TMEM39A: variants seen among roughly 807,000 people sequenced by gnomAD.
TMEM39A encodes suppressor of SQST-1 aggregates in rpl-43 mutants.
TMEM39A carries 19 observed loss-of-function variants against 51.9 expected under a neutral mutation model. The ratio of observed to expected loss-of-function variants is 0.37; its 90% CI spans 0.26 to 0.54. The LOEUF (loss-of-function observed/expected upper bound fraction) is 0.54, where lower values mean the gene tolerates loss of function less well. Among genes scored for constraint, TMEM39A ranks in the 20% least tolerant of loss-of-function variants. TMEM39A has a pLI of 0.88. For missense variants in TMEM39A, 433 were observed against 590.5 expected, an observed-to-expected ratio of 0.73 and a Z score of 2.76; for synonymous variants, 197 against 220.2, an observed-to-expected ratio of 0.89 and a Z score of 0.93.
At chr3:119,448,720 G>A (rs2081160086) in intron 4 of TMEM39A, among the ~76,000 whole-genome samples, 1 of 152,146 alleles carries the variant, frequency 6.6e-6, no homozygotes, top group African/African-American at 2.4e-5. Context: ...GCTTAGTAAA[G>A]TTATTTAAGC....
chr3:119,451,265 T>C (rs1560017571), intron 4 of TMEM39A: 1 of 1,288,154 alleles, frequency 7.8e-7, no homozygotes. Flanking sequence ...TATTTCCAGT[T>C]ACTCTGCTTC....
chr3:119,459,953 G>A (rs764860928), intron 2 of TMEM39A, among the ~76,000 whole-genome samples: 22 of 150,816 alleles, frequency 1.5e-4, no homozygotes, highest in Admixed American at 5.9e-4. Context: ...TAAGCTATCC[G>A]CTAGTTCTTT....
intron 4 of TMEM39A, among the ~76,000 whole-genome samples, chr3:119,452,094 A>C (rs989037709): frequency 5.9e-5 from 9 of 152,184 alleles, no homozygotes; most frequent in African/African-American, 1.9e-4. Context: ...TATTATCTGG[A>C]ACTGAATGTT....
rs541654492 is a variant in TMEM39A, at chr3:119,447,029, G to A, written c.564C>T (p.Phe188=). 1 of 1,613,808 alleles carries A rather than the reference G, an allele frequency of 6.2e-7. No individual in the cohort carries two copies. Among genetic ancestry groups the A allele is most frequent in the South Asian group, 1.1e-5 (1 of 90,978 alleles). The change falls in exon 5 of 9, where the codon TTC becomes TTT. Residue 188 remains phenylalanine (F), a synonymous_variant. Coordinates refer to ENST00000319172, the MANE Select transcript of TMEM39A (RefSeq NM_018266.3). ...ACTGGAGTACTCACGGGTAGCCAAGGAAAAGGAGATTGAGGACTGAATGGC... is the reference window on the plus strand; with the variant it reads ...ACTGGAGTACTCACGGGTAGCCAAGAAAAAGGAGATTGAGGACTGAATGGC... ...FRSHSVLNLL[F]LGYPFGVYVP...
chr3:119,451,698 C>T (rs183281212), intron 4 of TMEM39A, among the ~76,000 whole-genome samples: 3 of 151,834 alleles, frequency 2.0e-5, no homozygotes, highest in South Asian at 4.2e-4. Context: ...GGCGTGGTGG[C>T]GCATGCCTGT....
chr3:119,447,943 G>A (rs1380859134), intron 4 of TMEM39A, among the ~76,000 whole-genome samples: 1 of 152,084 alleles, frequency 6.6e-6, no homozygotes, highest in Admixed American at 6.6e-5. Context: ...AACATGGAGA[G>A]ACACTAATTT....
chr3:119,444,002 G>A lies in TMEM39A; in HGVS notation c.575+3016C>T, dbSNP rs182926838. Among the ~76,000 whole-genome samples the A allele has an allele frequency of 1.3e-3, 200 of 152,180 alleles. 2 individuals carry two copies. Among genetic ancestry groups the A allele is most frequent in the African/African-American group, 4.6e-3 (192 of 41,542 alleles). On this transcript the variant is annotated intron_variant, in intron 5 of 8. Transcript: ENST00000319172. ...GGAAATCAAAAAATTGACATGACTC[G>A]TTTATTGTGATATTCGCTTTATTGC...
intron 4 of TMEM39A, among the ~76,000 whole-genome samples, chr3:119,449,536 G>C (rs1295289185): frequency 6.6e-6 from 1 of 151,932 alleles, no homozygotes; most frequent in Non-Finnish European, 1.5e-5. Flanking sequence ...CGAGGCAGGA[G>C]AATCGCTTGA....
chr3:119,462,726 C>T (rs1315272276), intron 1 of TMEM39A, among the ~76,000 whole-genome samples: 1 of 134,108 alleles, frequency 7.5e-6, no homozygotes, highest in Non-Finnish European at 1.5e-5. Flanking sequence ...GTTCTTTTAA[C>T]AGTTTAAAAG....
chr3:119,451,181 T>C lies in TMEM39A; in HGVS notation c.420+1266A>G, dbSNP rs545472784. On this transcript the variant is annotated intron_variant, in intron 4 of 8. Transcript: ENST00000319172. The stretch of plus-strand genomic sequence containing the variant: ...AGAAAAGATTATAAACAGACGTTCC[T>C]ACTGTGAAAAACAAGGAATCCTACT... 4 of 1,156,924 alleles carry C rather than the reference T, an allele frequency of 3.5e-6. No homozygotes were observed. The East Asian group carries it at 2.4e-4, about 70-fold the overall frequency. The allele number at this position is 1,156,924 out of a possible 1,614,324, so 71.7% of individuals were successfully genotyped here. A position where few individuals can be genotyped will look rare whatever the true frequency, so the allele number is the denominator to read the frequency against.
In TMEM39A at chr3:119,461,999, C is replaced by T; in HGVS notation, c.76G>A (p.Gly26Ser). The T allele has an allele frequency of 6.2e-7, 1 of 1,614,124 alleles. No individual in the cohort carries two copies. The highest frequency in any genetic ancestry group is 8.5e-7 in the Non-Finnish European group (1 of 1,180,004). The change falls in exon 2 of 9, where the codon GGT becomes AGT. Residue 26 changes from glycine to serine, a missense_variant. Physicochemically the swap from Gly to Ser is moderately conservative, Grantham distance 56. This residue lies in a region of TMEM39A where 170 missense variants were observed against 239.8 expected (regional missense o/e 0.71). Transcript: ENST00000319172. ...CCTGTTCCATTGCCACAGCCTCCAC[C>T]AACCAAAGTCTGCAAAGAAGGTAAA... ...SALPSLQTLV[G>S]GGCGNGTGLR...
rs370041870 is a variant in TMEM39A at position 119,454,683 on chromosome 3, G to A, written c.337-2153C>T. Among the ~76,000 whole-genome samples the A allele has an allele frequency of 3.4e-4, 51 of 152,166 alleles. 1 individual carries two copies. The South Asian group carries it at 1.0e-2, about 30-fold the overall frequency. On this transcript the variant is annotated intron_variant, in intron 3 of 8. Coordinates refer to ENST00000319172, the MANE Select transcript of TMEM39A (RefSeq NM_018266.3). ...TGCATGCCTGTAATCCCAGCTACTC[G>A]GGAGGCTGAGGCAGGAGAATCGCTG...
At position 119,463,499 on chromosome 3, in the gene TMEM39A, G is replaced by A; in HGVS notation, c.-238C>T. On this transcript the variant is annotated 5_prime_UTR_variant, in exon 1 of 9. Coordinates refer to ENST00000319172, the MANE Select transcript of TMEM39A (RefSeq NM_018266.3). ...TAGAGAATCAAGAAAAGGTGTCCAG[G>A]CTTCGGGCTGCCAGACTCAGACCCA... The A allele has an allele frequency of 2.5e-6, 1 of 398,782 alleles. No individual in the cohort carries two copies. Among genetic ancestry groups the A allele is most frequent in the Non-Finnish European group, 4.4e-6 (1 of 226,204 alleles). The allele number at this position is 398,782 out of a possible 1,614,324, so 24.7% of individuals were successfully genotyped here.
chr3:119,445,480 G>A (rs573605993), intron 5 of TMEM39A, among the ~76,000 whole-genome samples: 2 of 152,304 alleles, frequency 1.3e-5, no homozygotes, highest in South Asian at 4.1e-4. Context: ...GGCGAGGCTG[G>A]TCTCGAACTA....
chr3:119,436,497 C>A, intron 7 of TMEM39A: 1 of 249,264 alleles, frequency 4.0e-6, no homozygotes, highest in East Asian at 7.9e-5. Flanking sequence ...TCTTTGAATT[C>A]GGGCAAAGGG....
chr3:119,433,026 C>T (rs1479480729), intron 8 of TMEM39A, among the ~76,000 whole-genome samples: 1 of 152,082 alleles, frequency 6.6e-6, no homozygotes, highest in Non-Finnish European at 1.5e-5. Flanking sequence ...ATATAGGCCA[C>T]AAGTTGTAAA....
chr3:119,450,490 T>C (rs1021779076), intron 4 of TMEM39A, among the ~76,000 whole-genome samples: 3 of 152,170 alleles, frequency 2.0e-5, no homozygotes, highest in Non-Finnish European at 2.9e-5. Flanking sequence ...GATAAAACGA[T>C]GTTTAAATTT....
intron 1 of TMEM39A, among the ~76,000 whole-genome samples, chr3:119,462,633 AGGGGGGGGGGCG>A (rs1336053443): frequency 8.9e-4 from 2 of 2,258 alleles, no homozygotes; most frequent in African/African-American, 2.5e-3. Context: ...TGTTTCTTCA[AGGGGGGGGGGCG>A]GGGGGGGGGA....
intron 4 of TMEM39A, chr3:119,451,438 G>A: frequency 1.9e-6 from 1 of 536,704 alleles, no homozygotes. Flanking sequence ...AGCCACTTCA[G>A]CTAAATTAAC....
Sources: allele counts gnomAD v4.1 joint callset (sites outside exome capture counted in the v4.1 genomes callset), GRCh38; gene constraint gnomAD v4.1.1; regional missense constraint gnomAD v4.1.1; transcripts MANE v1.5; gene names NCBI Gene and HGNC (gene_info 2026-07-23, HGNC 2026-07-21).